The following FNIP2 variants were observed in gnomAD, a reference collection of about 807,000 sequenced individuals.
The protein encoded by FNIP2 is folliculin interacting protein 2, also known as folliculin-interacting protein 2.
FNIP2 carries 32 observed loss-of-function variants against 108.7 expected under a neutral mutation model. That is an observed-to-expected ratio of 0.29 (90% CI 0.22 to 0.40). FNIP2 has a LOEUF of 0.40. Ranked by LOEUF, FNIP2 falls within the 10% of genes least tolerant of loss-of-function variation. FNIP2 has a pLI of 1.00. For synonymous variants in FNIP2, 480 were observed against 496.7 expected, an observed-to-expected ratio of 0.97 and a Z score of 0.45; for missense variants, 1,202 against 1,381.6, an observed-to-expected ratio of 0.87 and a Z score of 2.06.
chr4:158,840,406 T>G (rs1484934207), intron 7 of FNIP2, among the ~76,000 whole-genome samples: 1 of 152,088 alleles, frequency 6.6e-6, no homozygotes, highest in Non-Finnish European at 1.5e-5. Context: ...TGTTGTTGTT[T>G]TTTTTTTGAG....
intron 14 of FNIP2, 31 bp downstream of exon 14, chr4:158,870,500 G>A (rs1780880249): frequency 3.2e-6 from 5 of 1,577,496 alleles, no homozygotes; most frequent in Non-Finnish European, 4.3e-6. Flanking sequence ...GCCTCTGGCT[G>A]CTGACAGTGT....
chr4:158,819,934 G>A (rs1266474170), intron 1 of FNIP2, among the ~76,000 whole-genome samples: 1 of 152,172 alleles, frequency 6.6e-6, no homozygotes, highest in Non-Finnish European at 1.5e-5. Flanking sequence ...ATATAGAATA[G>A]GGTTAAAGAG....
chr4:158,815,887 T>G (rs1293942550), intron 1 of FNIP2, among the ~76,000 whole-genome samples: 1 of 152,220 alleles, frequency 6.6e-6, no homozygotes, highest in Non-Finnish European at 1.5e-5. Context: ...AGGAGCTTCC[T>G]TATTCTTTGC....
At chr4:158,814,762 C>T (rs1322302476) in intron 1 of FNIP2, among the ~76,000 whole-genome samples, 1 of 152,118 alleles carries the variant, frequency 6.6e-6, no homozygotes, top group Non-Finnish European at 1.5e-5. Flanking sequence ...TCAATAAATG[C>T]CATTGTCTAG....
At chr4:158,875,085 T>C (rs972747352) in intron 14 of FNIP2, among the ~76,000 whole-genome samples, 10 of 140,454 alleles carry the variant, frequency 7.1e-5, no homozygotes, top group African/African-American at 2.7e-4. Context: ...CGAGACTGTC[T>C]CAAAAAAAAA....
At chr4:158,829,265 A>G (rs1403560709) in intron 3 of FNIP2, 40 bp downstream of exon 3, 2 of 1,520,972 alleles carry the variant, frequency 1.3e-6, no homozygotes, top group African/African-American at 2.8e-5. Context: ...CCTGAGGTTA[A>G]AGTTATTTAC....
chr4:158,788,187 A>G (rs1446426997), intron 1 of FNIP2, among the ~76,000 whole-genome samples: 1 of 152,226 alleles, frequency 6.6e-6, no homozygotes, highest in Non-Finnish European at 1.5e-5. Flanking sequence ...TCTTGCAGTT[A>G]CGACCGTGCT....
chr4:158,787,067 C>T (rs1162692151), intron 1 of FNIP2, among the ~76,000 whole-genome samples: 3 of 151,892 alleles, frequency 2.0e-5, no homozygotes, highest in African/African-American at 7.3e-5. Context: ...TGATCCATCT[C>T]CCAAAGTCTA....
intron 7 of FNIP2, among the ~76,000 whole-genome samples, chr4:158,845,757 T>C (rs1779367929): frequency 6.6e-6 from 1 of 152,368 alleles, no homozygotes; most frequent in Admixed American, 6.5e-5. Flanking sequence ...TCCTCTTGCA[T>C]TTGAAAGTTG....
chr4:158,892,753 C>T (rs1321962099), intron 15 of FNIP2, among the ~76,000 whole-genome samples: 2 of 152,114 alleles, frequency 1.3e-5, no homozygotes, highest in Admixed American at 1.3e-4. Context: ...GTCTGCACAG[C>T]GCTGTTCTCT....
At chr4:158,882,615 G>A (rs191981745) in intron 14 of FNIP2, among the ~76,000 whole-genome samples, 365 of 152,392 alleles carry the variant, frequency 2.4e-3, no homozygotes, top group African/African-American at 7.0e-3. Context: ...TGTGTAGAAA[G>A]AAGTAGATAT....
At chr4:158,769,375 C>A in intron 1 of FNIP2, 56 bp downstream of exon 1, 3 of 1,253,356 alleles carry the variant, frequency 2.4e-6, no homozygotes, top group South Asian at 1.5e-5. Flanking sequence ...CTTCGGTGCT[C>A]GCCGGGGAGG....
chr4:158,857,675 G>T (rs1780058340), intron 8 of FNIP2, among the ~76,000 whole-genome samples: 1 of 151,922 alleles, frequency 6.6e-6, no homozygotes, highest in African/African-American at 2.4e-5. Flanking sequence ...AGGTGCAGTG[G>T]CTCACGGCTG....
At chr4:158,880,000 G>C (rs1254654929) in intron 14 of FNIP2, among the ~76,000 whole-genome samples, 1 of 150,282 alleles carries the variant, frequency 6.7e-6, no homozygotes, top group Admixed American at 6.6e-5. Context: ...TGGTGGGACT[G>C]TAAACTAGTT....
At position 158,833,713 on chromosome 4, in the gene FNIP2, G is replaced by A. The variant is rs549857619; in HGVS notation, c.655+85G>A. On this transcript the variant is annotated intron_variant, in intron 6 of 16. Transcript: ENST00000264433. ...TTTGCTTTATTTGAGTTTGTCGTGG[G>A]TTTTTTTTTTTGCGTTATCTTTAAT... The A allele has an allele frequency of 7.7e-5, 90 of 1,173,068 alleles. No homozygotes were observed. The Middle Eastern group carries it at 8.5e-3, about 111-fold the overall frequency. The allele number at this position is 1,173,068 out of a possible 1,614,324, so 72.7% of individuals were successfully genotyped here.
At chr4:158,796,249 A>G (rs1311693104) in intron 1 of FNIP2, among the ~76,000 whole-genome samples, 1 of 152,190 alleles carries the variant, frequency 6.6e-6, no homozygotes. Context: ...GTAAAGTTAA[A>G]TGAGCGGTAC....
At chr4:158,777,487 T>C (rs867166067) in intron 1 of FNIP2, among the ~76,000 whole-genome samples, 1 of 152,248 alleles carries the variant, frequency 6.6e-6, no homozygotes, top group Admixed American at 6.5e-5. Flanking sequence ...TTAAAAAGAA[T>C]GTGCCAGACT....
intron 8 of FNIP2, among the ~76,000 whole-genome samples, chr4:158,858,592 GATCTA>G (rs1346980276): frequency 1.3e-5 from 2 of 152,104 alleles, no homozygotes; most frequent in Non-Finnish European, 2.9e-5. Context: ...AGAGTTACTT[GATCTA>G]GTAGTTTTAA....
chr4:158,895,932 T>G (rs759956960), intron 16 of FNIP2, 67 bp downstream of exon 16: 17 of 1,185,740 alleles, frequency 1.4e-5, no homozygotes, highest in Non-Finnish European at 2.0e-5. Flanking sequence ...CCCACTAACG[T>G]GTTTAGCCTG....
Sources: gnomAD v4.1 joint callset for allele counts (sites outside exome capture counted in the v4.1 genomes callset) on GRCh38, gnomAD v4.1.1 for gene constraint, MANE v1.5 for transcripts, NCBI Gene and HGNC (gene_info 2026-07-23, HGNC 2026-07-21) for gene names.